S100A14: variants seen among roughly 807,000 people sequenced by gnomAD.
S100A14 encodes S100 calcium binding protein A14.
A neutral mutation model predicts 10.6 loss-of-function variants in S100A14; 6 were observed. The ratio of observed to expected loss-of-function variants is 0.57; its 90% confidence interval spans 0.31 to 1.12. The LOEUF is 1.12. S100A14 is among the 50% of genes most tolerant of loss of function. S100A14 has a pLI of 0.06. For missense variants in S100A14, 121 were observed against 128.7 expected (o/e 0.94, Z 0.29); for synonymous variants, 51 against 51.0 (o/e 1.00, Z 0.00).
Position 153,614,782 on chromosome 1 carries a change from G to A in S100A14, c.*103C>T. On this transcript the variant is annotated 3_prime_UTR_variant, in exon 4 of 4. Transcript: ENST00000344616. ...GGAAGCTGAACTTTGCAGAGATGAG[G>A]ACAGGTGCAGGCTAGGGTACAGGGT... 7.2e-7 allele frequency: 1 copy of A among 1,379,534 alleles called. No homozygotes were observed. The highest frequency in any genetic ancestry group is 9.9e-7 in the Non-Finnish European group (1 of 1,008,882). The allele number at this position is 1,379,534 out of a possible 1,614,324, so 85.5% of individuals were successfully genotyped here.
At chr1:153,616,054 C>A in intron 1 of S100A14, 118 bp from the exon 2 acceptor site, 2 of 551,520 alleles carry the variant, frequency 3.6e-6, no homozygotes, top group South Asian at 2.4e-5. Flanking sequence ...AAAACCAACA[C>A]CACATAGGCC....
Position 153,615,934 on chromosome 1 carries a change from G to C in S100A14, c.-76C>G. ...GGCCCCAGAGGAGCTGATGGCTCAT[G>C]ATCTGCTTAGAGGAGGGGGTAGGCC... is the stretch of plus-strand genomic sequence containing the variant. On this transcript the variant is annotated splice_region_variant and 5_prime_UTR_variant, in exon 2 of 4. The change creates a new upstream start codon in the 5' untranslated region. Transcript: ENST00000344616. 6.9e-7 allele frequency: 1 copy of C among 1,454,656 alleles called. No individual in the cohort carries two copies. Among genetic ancestry groups the C allele is most frequent in the East Asian group, 2.3e-5 (1 of 43,900 alleles). 90.1% of individuals were successfully genotyped at this position (1,454,656 alleles called of 1,614,324 possible). A position where few individuals can be genotyped will look rare whatever the true frequency, so the allele number is the denominator to read the frequency against.
rs1309453667 is a variant in S100A14, at chr1:153,615,295, C to T, written c.117G>A (p.Glu39=). 1 of 1,614,014 alleles carries T rather than the reference C, an allele frequency of 6.2e-7. No individual in the cohort carries two copies. The highest frequency in any genetic ancestry group is 8.5e-7 in the Non-Finnish European group (1 of 1,180,000). ...FHQYSVEGGK[E]TLTPSELRDL... ...CCCGTAGCTCAGAAGGGGTCAGCGTCTCCTTCCCACCCTCCACGGAGTACT... is the reference window on the plus strand; with the variant it reads ...CCCGTAGCTCAGAAGGGGTCAGCGTTTCCTTCCCACCCTCCACGGAGTACT... The change falls in exon 3 of 4, where the codon GAG becomes GAA. Residue 39 remains glutamate, a synonymous_variant. Coordinates refer to ENST00000344616, the MANE Select transcript of S100A14 (RefSeq NM_020672.3).
chr1:153,614,976 T>C lies in S100A14; in HGVS notation c.224A>G (p.Asn75Ser), dbSNP rs1389112581. 3.1e-6 allele frequency: 5 copies of C among 1,613,884 alleles called. No individual in the cohort carries two copies. The East Asian group carries it at 8.9e-5, about 29-fold the overall frequency. The change falls in exon 4 of 4, where the codon AAT (asparagine) becomes AGT (serine). Residue 75 changes from asparagine (N) to serine (S), a missense_variant. Coordinates refer to ENST00000344616, the MANE Select transcript of S100A14 (RefSeq NM_020672.3). ...EEKIANLGSC[N>S]DSKLEFRSFW... ...ACTCCTGAACTCCAGTTTAGAGTCA[T>C]TGCAGCTGCCCAGGTTGGCAATTTT...
rs752277740 is a variant in S100A14 at position 153,615,021 on chromosome 1, C to T, written c.179G>A (p.Ser60Asn). 4 of 1,613,664 alleles carry T rather than the reference C, an allele frequency of 2.5e-6. No homozygotes were observed. Among genetic ancestry groups the T allele is most frequent in the Non-Finnish European group, 3.4e-6 (4 of 1,179,826 alleles). ...VTQQLPHLMPSNCGLEEKIAN... is the reference protein window; with the variant it reads ...VTQQLPHLMPNNCGLEEKIAN... The stretch of plus-strand genomic sequence containing the variant: ...AATTTTCTCTTCCAGGCCACAGTTG[C>T]TCTGAGGGGAGTGAAGAAACCATGG... Residue 60 changes from serine to asparagine, a missense_variant and splice_region_variant, in exon 4 of 4, where the codon AGC becomes AAC. Physicochemically the swap from Ser to Asn is conservative, Grantham distance 46 (BLOSUM62 1). Coordinates refer to ENST00000344616, the MANE Select transcript of S100A14 (RefSeq NM_020672.3).
chr1:153,614,785 AGGTGCAGGCTAG>A lies in S100A14; in HGVS notation c.*88_*99del, dbSNP rs1413398664. 1 of 1,388,156 alleles carries A rather than the reference AGGTGCAGGCTAG, an allele frequency of 7.2e-7. No homozygotes were observed. The highest frequency in any genetic ancestry group is 1.4e-5 in the African/African-American group (1 of 69,262). The allele number at this position is 1,388,156 out of a possible 1,614,324, so 86.0% of individuals were successfully genotyped here. A position where few individuals can be genotyped will look rare whatever the true frequency, so the allele number is the denominator to read the frequency against. The stretch of plus-strand genomic sequence containing the variant: ...AGCTGAACTTTGCAGAGATGAGGAC[AGGTGCAGGCTAG>A]GGTACAGGGTGGTGGTAGAGGAGAC... On this transcript the variant is annotated 3_prime_UTR_variant, in exon 4 of 4. Coordinates refer to ENST00000344616, the MANE Select transcript of S100A14 (RefSeq NM_020672.3).
In S100A14 at chr1:153,614,433, G is replaced by T. The variant is rs890560072; in HGVS notation, c.*452C>A. 8 of 159,584 alleles carry T rather than the reference G, an allele frequency of 5.0e-5. No individual in the cohort carries two copies. The highest frequency in any genetic ancestry group is 9.7e-5 in the Non-Finnish European group (7 of 72,294). The allele number at this position is 159,584 out of a possible 1,614,324, so 9.9% of individuals were successfully genotyped here. A position where few individuals can be genotyped will look rare whatever the true frequency, so the allele number is the denominator to read the frequency against. On this transcript the variant is annotated 3_prime_UTR_variant, in exon 4 of 4. Transcript: ENST00000344616. ...AGGGACAGAGTCTAGGAGGAGCCTG[G>T]GGCAGAGCTGGAGGCAGGAAGAGAG...
In S100A14 at chr1:153,615,364, ACT is replaced by A. The variant is rs1666940178; in HGVS notation, c.46_47del (p.Ser16Ter). On this transcript the variant is annotated frameshift_variant, in exon 3 of 4. Coordinates refer to ENST00000344616, the MANE Select transcript of S100A14 (RefSeq NM_020672.3). LOFTEE classifies it high-confidence loss of function. ...SANAEDAQEF[S>X]DVERAIETLI... ...GGGTCTCAATGGCCCTCTCCACATC[ACT>A]GAATTCCTGAGCATCCTGAGGGCAG... is the stretch of plus-strand genomic sequence containing the variant. 1 of 1,613,546 alleles carries A rather than the reference ACT, an allele frequency of 6.2e-7. No homozygotes were observed.
chr1:153,616,129 C>A, intron 1 of S100A14, 166 bp downstream of exon 1: 1 of 418,526 alleles, frequency 2.4e-6, no homozygotes, highest in Non-Finnish European at 4.4e-6. Flanking sequence ...TAGGGGGAAT[C>A]CCTTGGAACT....
At chr1:153,615,139 G>A in intron 3 of S100A14, 96 bp downstream of exon 3, 1 of 1,585,994 alleles carries the variant, frequency 6.3e-7, no homozygotes, top group Non-Finnish European at 8.6e-7. Flanking sequence ...CAAGGGGGAA[G>A]AGCTGGGGGT....
rs1287619304 is a variant in S100A14 at position 153,615,735 on chromosome 1, C to T, written c.30+94G>A. The T allele has an allele frequency of 2.3e-5, 32 of 1,382,442 alleles. No homozygotes were observed. In the South Asian group the frequency reaches 2.6e-4, roughly 11 times the overall value. The allele number at this position is 1,382,442 out of a possible 1,614,324, so 85.6% of individuals were successfully genotyped here. A position where few individuals can be genotyped will look rare whatever the true frequency, so the allele number is the denominator to read the frequency against. ...CAGGGTCTGGGGTGCAGGGCAAGGC[C>T]AAGGTGAAGGGCAGAAGTCAGTGGG... is the stretch of plus-strand genomic sequence containing the variant. On this transcript the variant is annotated intron_variant, in intron 2 of 3. Coordinates refer to ENST00000344616, the MANE Select transcript of S100A14 (RefSeq NM_020672.3).
chr1:153,615,298 C>A lies in S100A14; in HGVS notation c.114G>T (p.Lys38Asn). 1 of 1,613,998 alleles carries A rather than the reference C, an allele frequency of 6.2e-7. No homozygotes were observed. Among genetic ancestry groups the A allele is most frequent in the South Asian group, 1.1e-5 (1 of 91,086 alleles). The change falls in exon 3 of 4, where the codon AAG becomes AAT. Residue 38 changes from lysine (K) to asparagine (N), a missense_variant. Transcript: ENST00000344616. ...NFHQYSVEGG[K>N]ETLTPSELRD... is the part of the protein sequence containing the mutation. ...GTAGCTCAGAAGGGGTCAGCGTCTC[C>A]TTCCCACCCTCCACGGAGTACTGGT... is the stretch of plus-strand genomic sequence containing the variant.
Position 153,615,367 on chromosome 1 carries a change from G to T in S100A14, c.45C>A (p.Phe15Leu). The change falls in exon 3 of 4, where the codon TTC becomes TTA. Residue 15 changes from phenylalanine to leucine, a missense_variant. Phe to Leu is a conservative substitution (Grantham distance 22, BLOSUM62 0). Transcript: ENST00000344616. ...TCTCAATGGCCCTCTCCACATCACT[G>T]AATTCCTGAGCATCCTGAGGGCAGG... is the stretch of plus-strand genomic sequence containing the variant. Reference protein sequence around the residue: ...RSANAEDAQEFSDVERAIETL... With the variant: ...RSANAEDAQELSDVERAIETL... 6.2e-7 allele frequency: 1 copy of T among 1,613,704 alleles called. No homozygotes were observed. Among genetic ancestry groups the T allele is most frequent in the Non-Finnish European group, 8.5e-7 (1 of 1,179,924 alleles).
intron 2 of S100A14, 143 bp from the exon 3 acceptor site, chr1:153,615,524 C>T (rs1468978551): frequency 2.0e-6 from 2 of 994,374 alleles, no homozygotes; most frequent in African/African-American, 3.3e-5. Flanking sequence ...CAGAATCTAG[C>T]CCCTCTCCCC....
Position 153,614,733 on chromosome 1 carries a change from C to G in S100A14, c.*152G>C. The stretch of plus-strand genomic sequence containing the variant: ...CATGAGCTCCCCAGAGCATCCAAGA[C>G]AGAGTGCACAGAGACCTGGGGAAGG... On this transcript the variant is annotated 3_prime_UTR_variant, in exon 4 of 4. Coordinates refer to ENST00000344616, the MANE Select transcript of S100A14 (RefSeq NM_020672.3). 1 of 925,480 alleles carries G rather than the reference C, an allele frequency of 1.1e-6. No individual in the cohort carries two copies. Among genetic ancestry groups the G allele is most frequent in the East Asian group, 2.7e-5 (1 of 37,668 alleles). The allele number at this position is 925,480 out of a possible 1,614,324, so 57.3% of individuals were successfully genotyped here.
Position 153,614,905 on chromosome 1 carries a change from T to TC in S100A14, c.294dup (p.Arg99GlufsTer114). 6.2e-7 allele frequency: 1 copy of TC among 1,613,790 alleles called. No individual in the cohort carries two copies. Among genetic ancestry groups the TC allele is most frequent in the Admixed American group, 1.7e-5 (1 of 59,998 alleles). ...AGTTCTCAGTGCCCCCGGACAGGCC[T>TC]CTCCAGCTTCACACTCTTGGCCGCT... On this transcript the variant is annotated frameshift_variant, in exon 4 of 4. Coordinates refer to ENST00000344616, the MANE Select transcript of S100A14 (RefSeq NM_020672.3). LOFTEE classifies it high-confidence loss of function.
chr1:153,615,948 A>C lies in S100A14; in HGVS notation c.-78-12T>G. 1 of 1,324,376 alleles carries C rather than the reference A, an allele frequency of 7.6e-7. No homozygotes were observed. The highest frequency in any genetic ancestry group is 2.3e-5 in the East Asian group (1 of 43,000). 82.0% of individuals were successfully genotyped at this position (1,324,376 alleles called of 1,614,324 possible). On this transcript the variant is annotated splice_polypyrimidine_tract_variant and intron_variant, in intron 1 of 3. Coordinates refer to ENST00000344616, the MANE Select transcript of S100A14 (RefSeq NM_020672.3). ...TGATGGCTCATGATCTGCTTAGAGGAGGGGGTAGGCCTGAGCTGAGGAGAG... is the reference window on the plus strand; with the variant it reads ...TGATGGCTCATGATCTGCTTAGAGGCGGGGGTAGGCCTGAGCTGAGGAGAG...
At position 153,614,677 on chromosome 1, in the gene S100A14, T is replaced by G. The variant is rs1180019288; in HGVS notation, c.*208A>C. 1 of 550,722 alleles carries G rather than the reference T, an allele frequency of 1.8e-6. No homozygotes were observed. Among genetic ancestry groups the G allele is most frequent in the Non-Finnish European group, 3.1e-6 (1 of 322,572 alleles). 34.1% of individuals were successfully genotyped at this position (550,722 alleles called of 1,614,324 possible). On this transcript the variant is annotated 3_prime_UTR_variant, in exon 4 of 4. Transcript: ENST00000344616. ...TTCATCCCTGGCCCAACCAGTCCCC[T>G]GAGCCTCCCTCTGGTGGAGACTCCT...
At chr1:153,615,520 C>A in intron 2 of S100A14, 139 bp from the exon 3 acceptor site, 2 of 1,027,976 alleles carry the variant, frequency 1.9e-6, no homozygotes, top group Non-Finnish European at 2.8e-6. Context: ...AGCCCAGAAT[C>A]TAGCCCCTCT....
Sources: allele counts gnomAD v4.1 joint callset, GRCh38; gene constraint gnomAD v4.1.1; transcripts MANE v1.5; gene names NCBI Gene and HGNC (gene_info 2026-07-23, HGNC 2026-07-21).